LUZP2: variants seen among roughly 807,000 people sequenced by gnomAD.
LUZP2 encodes leucine zipper protein 2.
In LUZP2, 52 loss-of-function variants were observed where a neutral mutation model predicts 51.6. The observed-to-expected ratio is 1.01, with a 90% CI of 0.81 to 1.27. The LOEUF (loss-of-function observed/expected upper bound fraction) is 1.27, where lower values mean the gene tolerates loss of function less well. LUZP2 is among the 50% of genes most tolerant of loss of function. The pLI, the probability that LUZP2 is intolerant of heterozygous loss-of-function variation, is 0.00. For missense variants in LUZP2, 436 were observed against 395.4 expected, an observed-to-expected ratio of 1.10 and a Z score of -0.87; for synonymous variants, 154 against 137.3, an observed-to-expected ratio of 1.12 and a Z score of -0.85.
intron 1 of LUZP2, among the ~76,000 whole-genome samples, chr11:24,548,260 T>C (rs976964575): frequency 1.3e-5 from 2 of 152,118 alleles, no homozygotes; most frequent in South Asian, 2.1e-4. Flanking sequence ...CATATGTTCA[T>C]TGCAGCACTG....
At chr11:24,790,958 C>G (rs12277217) in intron 5 of LUZP2, among the ~76,000 whole-genome samples, 3,945 of 152,094 alleles carry the variant, frequency 0.026, 170 homozygotes, top group African/African-American at 0.083. Flanking sequence ...TGTCATTGAC[C>G]AATGTATACT....
chr11:24,798,027 G>A (rs572790484), intron 5 of LUZP2, among the ~76,000 whole-genome samples: 3 of 152,100 alleles, frequency 2.0e-5, no homozygotes, highest in Non-Finnish European at 4.4e-5. Context: ...TATAATAATC[G>A]AGTTTGGTTT....
chr11:24,966,757 T>G (rs755455946), intron 7 of LUZP2, among the ~76,000 whole-genome samples: 1 of 147,618 alleles, frequency 6.8e-6, no homozygotes, highest in Non-Finnish European at 1.5e-5. Context: ...CATTATATAT[T>G]TTATATATAT....
At chr11:25,032,939 T>C (rs1296861412) in intron 9 of LUZP2, among the ~76,000 whole-genome samples, 1 of 152,200 alleles carries the variant, frequency 6.6e-6, no homozygotes, top group Non-Finnish European at 1.5e-5. Flanking sequence ...TATTCAACTT[T>C]TAGGGAATTA....
chr11:24,919,557 T>C (rs1052208913), intron 7 of LUZP2, among the ~76,000 whole-genome samples: 18 of 144,124 alleles, frequency 1.2e-4, no homozygotes, highest in Non-Finnish European at 2.3e-4. Flanking sequence ...TCTTTATATA[T>C]ATTCATAATT....
chr11:24,798,870 A>G (rs1849617447), intron 5 of LUZP2, among the ~76,000 whole-genome samples: 1 of 152,120 alleles, frequency 6.6e-6, no homozygotes, highest in African/African-American at 2.4e-5. Flanking sequence ...AGTAGTGGCC[A>G]AAGAAGTGCC....
intron 9 of LUZP2, among the ~76,000 whole-genome samples, chr11:24,996,137 G>T (rs752262886): frequency 6.0e-5 from 9 of 148,944 alleles, no homozygotes; most frequent in Non-Finnish European, 1.0e-4. Context: ...AGTTTTTTTC[G>T]GTCATTTTTT....
chr11:25,030,545 G>C (rs10834584), intron 9 of LUZP2, among the ~76,000 whole-genome samples: 1 of 151,440 alleles, frequency 6.6e-6, no homozygotes, highest in Non-Finnish European at 1.5e-5. Context: ...TATAAATATT[G>C]TGGATGACCA....
chr11:24,862,798 T>G (rs7950109), intron 5 of LUZP2, among the ~76,000 whole-genome samples: 92,466 of 152,110 alleles, frequency 0.61, 28,796 homozygotes, highest in Middle Eastern at 0.7. Flanking sequence ...GAATAAACTA[T>G]TTCAAATTGT....
At chr11:24,950,908 T>C (rs1174098122) in intron 7 of LUZP2, among the ~76,000 whole-genome samples, 1 of 151,532 alleles carries the variant, frequency 6.6e-6, no homozygotes, top group East Asian at 1.9e-4. Context: ...AATCAAGACA[T>C]TGATAAGAAA....
At chr11:24,904,477 G>A (rs1853381057) in intron 5 of LUZP2, among the ~76,000 whole-genome samples, 1 of 151,868 alleles carries the variant, frequency 6.6e-6, no homozygotes, top group African/African-American at 2.4e-5. Context: ...TAGAGACGGG[G>A]TTTCACTGTG....
intron 9 of LUZP2, among the ~76,000 whole-genome samples, chr11:25,028,859 T>G (rs1447190277): frequency 2.0e-5 from 3 of 152,204 alleles, no homozygotes; most frequent in Non-Finnish European, 4.4e-5. Flanking sequence ...CACAGTATTT[T>G]ATATTCTTTA....
chr11:24,920,517 G>A (rs1854011396), intron 7 of LUZP2, among the ~76,000 whole-genome samples: 1 of 151,972 alleles, frequency 6.6e-6, no homozygotes. Context: ...ACTATTCACA[G>A]TAGGAAATAT....
At chr11:24,661,848 AAAT>A (rs1468965345) in intron 1 of LUZP2, among the ~76,000 whole-genome samples, 4 of 152,200 alleles carry the variant, frequency 2.6e-5, no homozygotes, top group East Asian at 1.9e-4. Context: ...ATAAATTAAA[AAAT>A]AATGTTAATG....
intron 5 of LUZP2, among the ~76,000 whole-genome samples, chr11:24,902,721 G>A (rs997970872): frequency 6.6e-6 from 1 of 152,038 alleles, no homozygotes; most frequent in Non-Finnish European, 1.5e-5. Flanking sequence ...CTTTTGTTGT[G>A]TATATTAATT....
chr11:24,846,694 A>C (rs1037816208), intron 5 of LUZP2, among the ~76,000 whole-genome samples: 1 of 152,098 alleles, frequency 6.6e-6, no homozygotes, highest in Non-Finnish European at 1.5e-5. Flanking sequence ...ACAGAAAAAC[A>C]ATGAAACAAT....
intron 1 of LUZP2, among the ~76,000 whole-genome samples, chr11:24,568,248 T>C (rs1176421953): frequency 6.6e-6 from 1 of 151,310 alleles, no homozygotes; most frequent in Admixed American, 6.6e-5. Context: ...TAATCCCAGC[T>C]ACTCGAGAGG....
At chr11:24,632,991 A>G (rs1854946619) in intron 1 of LUZP2, among the ~76,000 whole-genome samples, 1 of 152,078 alleles carries the variant, frequency 6.6e-6, no homozygotes, top group South Asian at 2.1e-4. Flanking sequence ...CTGTTTGTTA[A>G]GGAAAGATGG....
At position 24,805,475 on chromosome 11, in the gene LUZP2, C is replaced by T. The variant is rs117612368; in HGVS notation, c.396+42167C>T. On this transcript the variant is annotated intron_variant, in intron 5 of 11. Coordinates refer to ENST00000336930, the MANE Select transcript of LUZP2 (RefSeq NM_001009909.4). ...AGTGATCTGCCTGCCTCAGTCATTGCGCCTGGCCAGAAGCAACTTCTTTTA... is the reference window on the plus strand; with the variant it reads ...AGTGATCTGCCTGCCTCAGTCATTGTGCCTGGCCAGAAGCAACTTCTTTTA... Among the ~76,000 whole-genome samples, 361 of 152,180 alleles carry T rather than the reference C, an allele frequency of 2.4e-3. 2 individuals are homozygous for T. The highest frequency in any genetic ancestry group is 4.1e-3 in the Non-Finnish European group (278 of 68,008).
Sources: allele counts gnomAD v4.1 joint callset (sites outside exome capture counted in the v4.1 genomes callset), GRCh38; gene constraint gnomAD v4.1.1; transcripts MANE v1.5; gene names NCBI Gene and HGNC (gene_info 2026-07-23, HGNC 2026-07-21).